Variants in ACYP2 observed in about 807,000 individuals in gnomAD.
ACYP2 encodes the protein acylphosphatase 2.
ACYP2 carries 12 observed loss-of-function variants against 11.2 expected under a neutral mutation model. The observed-to-expected ratio is 1.08, with a 90% CI of 0.69 to 1.74. The LOEUF (loss-of-function observed/expected upper bound fraction) is 1.74, where lower values mean the gene tolerates loss of function less well. Ranked by LOEUF, ACYP2 falls within the 40% of genes most tolerant of loss-of-function variation. ACYP2 has a pLI of 0.00. For synonymous variants in ACYP2, 43 were observed against 32.2 expected (o/e 1.33, Z -1.13); for missense variants, 134 against 101.9 (o/e 1.31, Z -1.35).
At chr2:54,106,622 C>G (rs1299659093) in intron 4 of ACYP2, among the ~76,000 whole-genome samples, 1 of 152,154 alleles carries the variant, frequency 6.6e-6, no homozygotes, top group Non-Finnish European at 1.5e-5. Context: ...GCTCTTGTTG[C>G]CCAGGCTGGA....
At chr2:54,004,675 G>T (rs1447562966) in intron 2 of ACYP2, among the ~76,000 whole-genome samples, 2 of 151,916 alleles carry the variant, frequency 1.3e-5, no homozygotes, top group East Asian at 3.9e-4. Flanking sequence ...CTCCCAAAGT[G>T]CTGGGATTAC....
chr2:54,163,771 G>A (rs533435551), intron 6 of ACYP2, among the ~76,000 whole-genome samples: 2 of 152,086 alleles, frequency 1.3e-5, no homozygotes, highest in African/African-American at 2.4e-5. Flanking sequence ...CAGGAGAATC[G>A]CTTGAACCCA....
At chr2:54,008,422 T>G (rs943293375) in intron 2 of ACYP2, among the ~76,000 whole-genome samples, 1 of 152,190 alleles carries the variant, frequency 6.6e-6, no homozygotes, top group African/African-American at 2.4e-5. Context: ...GTGCACCTTA[T>G]GGCCAGGAAA....
chr2:54,119,308 C>T (rs144599134), intron 4 of ACYP2, among the ~76,000 whole-genome samples: 23 of 152,048 alleles, frequency 1.5e-4, no homozygotes, highest in Non-Finnish European at 2.6e-4. Context: ...CCTCCCACCT[C>T]GGCCTCACAA....
intron 6 of ACYP2, among the ~76,000 whole-genome samples, chr2:54,164,756 A>G (rs184711496): frequency 1.3e-4 from 20 of 152,124 alleles, no homozygotes; most frequent in African/African-American, 4.8e-4. Flanking sequence ...GGTTTCTTAG[A>G]TAGGTATACA....
chr2:54,115,927 G>A (rs1572788365), intron 4 of ACYP2, among the ~76,000 whole-genome samples, 171 bp downstream of exon 1: 1 of 151,136 alleles, frequency 6.6e-6, no homozygotes, highest in East Asian at 1.9e-4. Flanking sequence ...GCATGCGCCC[G>A]AGGACTTGGA....
At chr2:54,175,592 C>T (rs1683425615) in intron 6 of ACYP2, among the ~76,000 whole-genome samples, 2 of 152,000 alleles carry the variant, frequency 1.3e-5, no homozygotes. Flanking sequence ...TTTGTTAGCT[C>T]TTGCTTCTCT....
At position 54,138,637 on chromosome 2, in the gene ACYP2, A is replaced by G. The variant is rs201143858; in HGVS notation, c.295-2A>G. The G allele has an allele frequency of 6.2e-7, 1 of 1,609,704 alleles. No homozygotes were observed. The highest frequency in any genetic ancestry group is 8.5e-7 in the Non-Finnish European group (1 of 1,177,694). On this transcript the variant is annotated splice_acceptor_variant, in intron 5 of 6. Coordinates refer to ENST00000607452, the MANE Select transcript of ACYP2 (RefSeq NM_001320586.2). LOFTEE classifies it high-confidence loss of function. ...TATTCTTCTTGTTTTTTCCTGAAAC[A>G]GTATACAGAAGATGAAGCTAGGAAA... is the stretch of plus-strand genomic sequence containing the variant.
At chr2:54,053,833 C>A (rs990203908) in intron 3 of ACYP2, among the ~76,000 whole-genome samples, 1 of 152,186 alleles carries the variant, frequency 6.6e-6, no homozygotes, top group African/African-American at 2.4e-5. Context: ...TTAAACATCC[C>A]TGTTTAAATT....
chr2:54,036,527 G>A (rs1306440099), intron 2 of ACYP2, among the ~76,000 whole-genome samples: 3 of 152,296 alleles, frequency 2.0e-5, no homozygotes, highest in African/African-American at 7.2e-5. Context: ...TTACTACTGA[G>A]CAGGATTCAG....
intron 6 of ACYP2, among the ~76,000 whole-genome samples, chr2:54,245,330 C>T (rs1217238015): frequency 6.6e-6 from 1 of 152,142 alleles, no homozygotes; most frequent in Non-Finnish European, 1.5e-5. Context: ...TTGAATGGTG[C>T]AGCAATAAAC....
In ACYP2 at chr2:54,186,919, A is replaced by T. The variant is rs186361475; in HGVS notation, c.404+48171A>T. ...TATAGTAAAATACTGTTCATTAATTAAAAAAAAATTATGTAACCAAGTAAT... is the reference window on the plus strand; with the variant it reads ...TATAGTAAAATACTGTTCATTAATTTAAAAAAAATTATGTAACCAAGTAAT... On this transcript the variant is annotated intron_variant, in intron 6 of 6. Transcript: ENST00000607452. Among the ~76,000 whole-genome samples, 114 of 148,102 alleles carry T rather than the reference A, an allele frequency of 7.7e-4. 1 individual carries two copies. Among genetic ancestry groups the T allele is most frequent in the African/African-American group, 2.2e-3 (82 of 37,960 alleles).
At chr2:54,263,285 G>A (rs900545541) in intron 6 of ACYP2, among the ~76,000 whole-genome samples, 22 of 152,138 alleles carry the variant, frequency 1.4e-4, no homozygotes, top group Non-Finnish European at 2.9e-4. Context: ...GATCTTGTGA[G>A]AACTCACTCA....
At chr2:53,993,697 GGAT>G in intron 2 of ACYP2, among the ~76,000 whole-genome samples, 1 of 150,810 alleles carries the variant, frequency 6.6e-6, no homozygotes, top group East Asian at 1.9e-4. Context: ...GGAAAAAAAA[GGAT>G]GAAAAAAAAA....
At chr2:54,224,971 C>T (rs748436197) in intron 6 of ACYP2, among the ~76,000 whole-genome samples, 10 of 152,132 alleles carry the variant, frequency 6.6e-5, no homozygotes, top group Non-Finnish European at 1.5e-4. Flanking sequence ...AAATTCATTC[C>T]AGCAGTATGG....
At chr2:54,126,954 C>CAAA (rs144107260) in intron 4 of ACYP2, among the ~76,000 whole-genome samples, 1,425 of 123,370 alleles carry the variant, frequency 0.012, 20 homozygotes, top group Non-Finnish European at 0.014. Flanking sequence ...AACTCCGTCT[C>CAAA]AAAAAAAAAA....
chr2:53,995,488 T>TATTTATTTATTTATTTA (rs1553350323), intron 2 of ACYP2, among the ~76,000 whole-genome samples: 2 of 145,070 alleles, frequency 1.4e-5, no homozygotes, highest in African/African-American at 5.1e-5. Flanking sequence ...TTTATTTATT[T>TATTTATTTATTTATTTA]TTTATTTATT....
intron 6 of ACYP2, among the ~76,000 whole-genome samples, chr2:54,193,087 A>G (rs1319460573): frequency 6.6e-6 from 1 of 152,230 alleles, no homozygotes; most frequent in Admixed American, 6.5e-5. Context: ...AAAATTGAGC[A>G]AAACCTTTCA....
At chr2:54,108,885 C>T (rs1201781734) in intron 4 of ACYP2, among the ~76,000 whole-genome samples, 6 of 152,126 alleles carry the variant, frequency 3.9e-5, no homozygotes, top group African/African-American at 1.4e-4. Flanking sequence ...CTTTACTTTT[C>T]CTTACTTCTA....
Sources: allele counts gnomAD v4.1 joint callset (sites outside exome capture counted in the v4.1 genomes callset), GRCh38; gene constraint gnomAD v4.1.1; transcripts MANE v1.5; gene names NCBI Gene and HGNC (gene_info 2026-07-23, HGNC 2026-07-21).